LTN1: variants seen among roughly 807,000 people sequenced by gnomAD.
The protein encoded by LTN1 is listerin E3 ubiquitin protein ligase 1.
LTN1 carries 88 observed loss-of-function variants against 201.2 expected under a neutral mutation model. The observed-to-expected ratio is 0.44, with a 90% CI of 0.37 to 0.52. The LOEUF (loss-of-function observed/expected upper bound fraction) is 0.52. LTN1 is among the 20% of genes least tolerant of loss of function. LTN1 has a pLI of 0.00. For missense variants in LTN1, 1,752 were observed against 2,038.7 expected (o/e 0.86, Z 2.71); for synonymous variants, 645 against 713.5 (o/e 0.90, Z 1.53).
At chr21:28,982,173 C>A (rs148112648) in intron 5 of LTN1, 143 bp downstream of exon 5, 7 of 635,602 alleles carry the variant, frequency 1.1e-5, no homozygotes, top group African/African-American at 5.6e-5. Flanking sequence ...GCTGAGACTG[C>A]GCCACTGCAA....
Position 28,986,629 on chromosome 21 carries a change from A to G in LTN1, c.246+102T>C. ...AAAAAGTACAATTATAAAAGAACTT[A>G]GCAATAAATTGTTCATTTTTCTTTA... On this transcript the variant is annotated intron_variant, in intron 2 of 29. Transcript: ENST00000361371. The surrounding 1 kb of genome is among the most constrained non-coding windows in gnomAD (Gnocchi z 4.1). The G allele has an allele frequency of 2.4e-6, 2 of 831,082 alleles. No homozygotes were observed. The highest frequency in any genetic ancestry group is 3.8e-6 in the Non-Finnish European group (2 of 522,792). 51.5% of individuals were successfully genotyped at this position (831,082 alleles called of 1,614,324 possible). A position where few individuals can be genotyped will look rare whatever the true frequency, so the allele number is the denominator to read the frequency against.
Position 28,958,506 on chromosome 21 carries a change from A to G in LTN1, c.2627T>C (p.Leu876Pro), listed in dbSNP as rs112570639. ...ATGAACCAATAAATTTACACCAGAG[A>G]GCCAAGTATTTTTCAGTTTACAGAT... is the stretch of plus-strand genomic sequence containing the variant. ...FLICKLKNTW[L>P]SGVNLLVHQT... Residue 876 changes from leucine (L) to proline (P), a missense_variant, in exon 14 of 30, where the codon CTC becomes CCC. Physicochemically the swap from Leu to Pro is moderately conservative, Grantham distance 98. Around this residue, in one of 3 missense-constraint regions of LTN1, gnomAD observed 1,211 missense variants for 1,312.8 expected, o/e 0.92. Coordinates refer to ENST00000361371, the MANE Select transcript of LTN1 (RefSeq NM_015565.3). The G allele has an allele frequency of 6.2e-7, 1 of 1,607,184 alleles. No homozygotes were observed. The highest frequency in any genetic ancestry group is 1.3e-5 in the African/African-American group (1 of 74,448).
At chr21:28,951,018 C>G (rs1555842992) in intron 18 of LTN1, among the ~76,000 whole-genome samples, 1 of 151,966 alleles carries the variant, frequency 6.6e-6, no homozygotes, top group Non-Finnish European at 1.5e-5. Flanking sequence ...CACACGCACA[C>G]TCTGTCTCTC....
In LTN1 at chr21:28,958,380, G is replaced by A. The variant is rs765223646; in HGVS notation, c.2747+6C>T. 9 of 1,594,154 alleles carry A rather than the reference G, an allele frequency of 5.6e-6. No homozygotes were observed. The highest frequency in any genetic ancestry group is 1.7e-4 in the Middle Eastern group (1 of 6,004). ...AGACACTGAAACCAAGCTCAAAAAA[G>A]GTTACCTGTTGATATCCAAAGATGA... On this transcript the variant is annotated splice_donor_region_variant and intron_variant, in intron 14 of 29. Transcript: ENST00000361371.
At chr21:28,935,839 C>CAAAA (rs1190416524) in intron 26 of LTN1, among the ~76,000 whole-genome samples, 1 of 78,932 alleles carries the variant, frequency 1.3e-5, no homozygotes, top group African/African-American at 4.5e-5. Flanking sequence ...GACTCCGTCT[C>CAAAA]AAAAAAAAAA....
rs2084524564 is a variant in LTN1, at chr21:28,966,516, C to A, written c.1975G>T (p.Val659Leu). 6.2e-7 allele frequency: 1 copy of A among 1,613,978 alleles called. No homozygotes were observed. The change falls in exon 10 of 30, where the codon GTG becomes TTG. Residue 659 changes from valine to leucine, a missense_variant. Val to Leu is a conservative substitution (Grantham distance 32). Transcript: ENST00000361371. ...IAKLVQKNPA[V>L]QFLYQKLIGW... ...ATCAGTTTCTGGTATAAAAACTGCA[C>A]CGCAGGATTTTTTTGTACAAGCTTG...
rs1295621309 is a variant in LTN1 at position 28,945,957 on chromosome 21, A to G, written c.3624-6T>C. 1.9e-6 allele frequency: 3 copies of G among 1,599,450 alleles called. No homozygotes were observed. The highest frequency in any genetic ancestry group is 2.6e-6 in the Non-Finnish European group (3 of 1,173,772). The stretch of plus-strand genomic sequence containing the variant: ...GACTTGCTTCTGATAGATTACTGTG[A>G]TAAAGATAAAAACAAAAGACAATAA... On this transcript the variant is annotated splice_region_variant and splice_polypyrimidine_tract_variant and intron_variant, in intron 20 of 29. Coordinates refer to ENST00000361371, the MANE Select transcript of LTN1 (RefSeq NM_015565.3).
intron 9 of LTN1, 24 bp from the exon 10 acceptor site, chr21:28,967,203 T>A (rs775411334): frequency 5.9e-6 from 9 of 1,531,062 alleles, no homozygotes; most frequent in Non-Finnish European, 8.0e-6. Context: ...TAGAATATCA[T>A]AAAATATATA....
At chr21:28,990,898 T>A (rs1300956579) in intron 1 of LTN1, among the ~76,000 whole-genome samples, 1 of 152,176 alleles carries the variant, frequency 6.6e-6, no homozygotes, top group Non-Finnish European at 1.5e-5. Flanking sequence ...GAATGAGTGA[T>A]CCTTGACTGA....
intron 6 of LTN1, among the ~76,000 whole-genome samples, chr21:28,975,898 A>C (rs2146308612): frequency 6.6e-6 from 1 of 152,370 alleles, no homozygotes; most frequent in Non-Finnish European, 1.5e-5. Context: ...AACTGTACAA[A>C]ACTAAACAAT....
chr21:28,957,366 T>A lies in LTN1; in HGVS notation c.2858A>T (p.Glu953Val), dbSNP rs1331189937. ...AAGAGACTGCCTCATCTTTTCCCATTCACTGTCGTTCGGCATTACACTTCC... is the reference window on the plus strand; with the variant it reads ...AAGAGACTGCCTCATCTTTTCCCATACACTGTCGTTCGGCATTACACTTCC... Reference protein sequence around the residue: ...YIGSVMPNDSEWEKMRQSLPM... With the variant: ...YIGSVMPNDSVWEKMRQSLPM... Residue 953 changes from glutamate (E) to valine (V), a missense_variant, in exon 15 of 30, where the codon GAA becomes GTA. Coordinates refer to ENST00000361371, the MANE Select transcript of LTN1 (RefSeq NM_015565.3). 1 of 1,605,252 alleles carries A rather than the reference T, an allele frequency of 6.2e-7. No homozygotes were observed. The highest frequency in any genetic ancestry group is 1.1e-5 in the South Asian group (1 of 89,804).
Position 28,936,544 on chromosome 21 carries a change from G to C in LTN1, c.4636C>G (p.Leu1546Val). Reference protein sequence around the residue: ...KDPKTFFTEELQLSIRETTML... With the variant: ...KDPKTFFTEEVQLSIRETTML... ...TACTGACCTCTAATACTCAGCTGGA[G>C]CTCCTCAGTAAAGAATGTTTTAGGG... is the stretch of plus-strand genomic sequence containing the variant. Residue 1546 changes from leucine (L) to valine (V), a missense_variant, in exon 26 of 30, where the codon CTC becomes GTC. This residue lies in a region of LTN1 where 261 missense variants were observed against 350.1 expected (regional missense o/e 0.75). Transcript: ENST00000361371. 1.9e-6 allele frequency: 3 copies of C among 1,612,854 alleles called. No homozygotes were observed. The highest frequency in any genetic ancestry group is 2.5e-6 in the Non-Finnish European group (3 of 1,179,344).
In LTN1 at chr21:28,930,456, A is replaced by G; in HGVS notation, c.5293T>C (p.Phe1765Leu). 1 of 1,611,938 alleles carries G rather than the reference A, an allele frequency of 6.2e-7. No individual in the cohort carries two copies. Among genetic ancestry groups the G allele is most frequent in the Non-Finnish European group, 8.5e-7 (1 of 1,178,744 alleles). Reference sequence around the variant, plus strand: ...TTCCAGTGAAAAAAATCTCAGAAAAACGTCTCACGACACAGTGGACAAGTG... The same window carrying G: ...TTCCAGTGAAAAAAATCTCAGAAAAGCGTCTCACGACACAGTGGACAAGTG... ...KSTCPLCRET[F>L]F The change falls in exon 30 of 30, where the codon TTT (phenylalanine) becomes CTT (leucine). Residue 1765 changes from phenylalanine to leucine, a missense_variant. Phe to Leu is a conservative substitution (Grantham distance 22). Transcript: ENST00000361371.
In LTN1 at chr21:28,986,354, A is replaced by T; in HGVS notation, c.247-117T>A. On this transcript the variant is annotated intron_variant, in intron 2 of 29. Coordinates refer to ENST00000361371, the MANE Select transcript of LTN1 (RefSeq NM_015565.3). The surrounding 1 kb of genome is among the most constrained non-coding windows in gnomAD (Gnocchi z 4.1). ...ATAGGAGAATACACTATTTCTCTTT[A>T]TGCCATATGAGACTAGTTTGAAGAG... 1 of 716,878 alleles carries T rather than the reference A, an allele frequency of 1.4e-6. No individual in the cohort carries two copies. Among genetic ancestry groups the T allele is most frequent in the South Asian group, 1.6e-5 (1 of 62,542 alleles). 44.4% of individuals were successfully genotyped at this position (716,878 alleles called of 1,614,324 possible).
rs189508661 is a variant in LTN1 at position 28,938,753 on chromosome 21, T to C, written c.4483-2056A>G. On this transcript the variant is annotated intron_variant, in intron 25 of 29. Transcript: ENST00000361371. ...AGTATTATTCAGCCACAAAAATAAATGCAATACTTATGATACATGCTTCAA... is the reference window on the plus strand; with the variant it reads ...AGTATTATTCAGCCACAAAAATAAACGCAATACTTATGATACATGCTTCAA... Among the ~76,000 whole-genome samples the C allele has an allele frequency of 5.6e-3, 856 of 152,248 alleles. 4 individuals carry two copies. The highest frequency in any genetic ancestry group is 9.0e-3 in the Non-Finnish European group (614 of 68,004).
At chr21:28,937,419 C>A (rs1442733621) in intron 25 of LTN1, among the ~76,000 whole-genome samples, 7 of 152,040 alleles carry the variant, frequency 4.6e-5, no homozygotes, top group African/African-American at 1.7e-4. Context: ...TTTGTGGGTA[C>A]ACAGTAGATA....
At position 28,964,489 on chromosome 21, in the gene LTN1, T is replaced by A. The variant is rs189881591; in HGVS notation, c.2163+1376A>T. On this transcript the variant is annotated intron_variant, in intron 11 of 29. Coordinates refer to ENST00000361371, the MANE Select transcript of LTN1 (RefSeq NM_015565.3). Reference sequence around the variant, plus strand: ...TAATGTTATTGCACACTTAATAGACTGTAGTGTACACATAACTTTTATATG... The same window carrying A: ...TAATGTTATTGCACACTTAATAGACAGTAGTGTACACATAACTTTTATATG... The A allele has an allele frequency of 1.3e-3, 1,523 of 1,205,070 alleles. 2 individuals carry two copies. Among genetic ancestry groups the A allele is most frequent in the Non-Finnish European group, 1.6e-3 (1,472 of 894,508 alleles). 74.6% of individuals were successfully genotyped at this position (1,205,070 alleles called of 1,614,324 possible).
chr21:28,978,131 C>T (rs538234388), intron 6 of LTN1, among the ~76,000 whole-genome samples: 4 of 152,052 alleles, frequency 2.6e-5, no homozygotes, highest in South Asian at 2.1e-4. Context: ...TGGGATCAAG[C>T]GATCCTCCTG....
At chr21:28,943,998 GAAAT>G (rs2084317780) in intron 22 of LTN1, 94 bp from the exon 23 acceptor site, 5 of 588,868 alleles carry the variant, frequency 8.5e-6, no homozygotes, top group Admixed American at 2.6e-5. Context: ...TTAAGAAAAT[GAAAT>G]AAAAACTAGA....
Sources: gnomAD v4.1 joint callset for allele counts (sites outside exome capture counted in the v4.1 genomes callset) on GRCh38, gnomAD v4.1.1 for gene constraint, gnomAD v4.1.1 regional missense constraint, Gnocchi (gnomAD v3.1) non-coding constraint, MANE v1.5 for transcripts, NCBI Gene and HGNC (gene_info 2026-07-23, HGNC 2026-07-21) for gene names.